The following ICE1 variants were observed in gnomAD, a reference collection of about 807,000 sequenced individuals.
ICE1 encodes the protein interactor of little elongation complex ELL subunit 1.
In ICE1, 64 loss-of-function variants were observed where a neutral mutation model predicts 192.7. The ratio of observed to expected loss-of-function variants is 0.33; its 90% CI spans 0.27 to 0.41. ICE1 has a LOEUF of 0.41. Ranked by LOEUF, ICE1 falls within the 10% of genes least tolerant of loss-of-function variation. The pLI is 1.00. For missense variants in ICE1, 2,708 were observed against 2,696.0 expected (o/e 1.00, Z -0.10); for synonymous variants, 1,010 against 984.5 (o/e 1.03, Z -0.49).
rs371867984 is a variant in ICE1, at chr5:5,462,434, G to A, written c.3100G>A (p.Val1034Ile). 15 of 1,613,904 alleles carry A rather than the reference G, an allele frequency of 9.3e-6. No homozygotes were observed. The highest frequency in any genetic ancestry group is 8.9e-5 in the East Asian group (4 of 44,898). The change falls in exon 13 of 19, where the codon GTT (valine) becomes ATT (isoleucine). Residue 1034 changes from valine (V) to isoleucine (I), a missense_variant. By Grantham distance (29) the Val-to-Ile change is conservative. Coordinates refer to ENST00000296564, the MANE Select transcript of ICE1 (RefSeq NM_015325.3). ...GAGATCTGGTGGTGAGGCCCTGGCT[G>A]TTGCAAATGATTCTACCAGCACACC... ...TGRSGGEALA[V>I]ANDSTSTPQN...
Position 5,466,388 on chromosome 5 carries a change from A to C in ICE1, c.5947A>C (p.Ile1983Leu), listed in dbSNP as rs563683640. The change falls in exon 14 of 19, where the codon ATA (isoleucine) becomes CTA (leucine). Residue 1983 changes from isoleucine to leucine, a missense_variant. Ile to Leu is a conservative substitution (Grantham distance 5, BLOSUM62 2). Around this residue, in one of 2 missense-constraint regions of ICE1, gnomAD observed 342 missense variants for 419.3 expected, o/e 0.82. Transcript: ENST00000296564. ...TCTCTCAGAACTAAAAATTCAGAAG[A>C]TATCTATGGACCACAATTACATTCA... ...SILSELKIQK[I>L]SMDHNYIHAL... 6.2e-7 allele frequency: 1 copy of C among 1,613,186 alleles called. No homozygotes were observed. The highest frequency in any genetic ancestry group is 8.5e-7 in the Non-Finnish European group (1 of 1,179,600).
intron 18 of ICE1, among the ~76,000 whole-genome samples, chr5:5,487,323 G>A (rs1739662948): frequency 6.6e-6 from 1 of 152,180 alleles, no homozygotes; most frequent in African/African-American, 2.4e-5. Context: ...TGCATAGCAT[G>A]TAATTTTATC....
intron 1 of ICE1, 121 bp downstream of exon 1, chr5:5,423,120 C>T (rs777828409): frequency 7.1e-5 from 35 of 492,412 alleles, no homozygotes; most frequent in Middle Eastern, 5.8e-4. Flanking sequence ...CCTTCCCAAC[C>T]GTAGCTCTTG....
chr5:5,461,552 C>T lies in ICE1; in HGVS notation c.2218C>T (p.Arg740Trp), dbSNP rs766127577. The T allele has an allele frequency of 2.2e-5, 35 of 1,612,902 alleles. No individual in the cohort carries two copies. The highest frequency in any genetic ancestry group is 8.4e-5 in the Admixed American group (5 of 59,858). Residue 740 changes from arginine to tryptophan, a missense_variant, in exon 13 of 19, where the codon CGG becomes TGG. By Grantham distance (101) the Arg-to-Trp change is moderately radical. This residue lies in a region of ICE1 where 2,366 missense variants were observed against 2,276.6 expected (regional missense o/e 1.04). Coordinates refer to ENST00000296564, the MANE Select transcript of ICE1 (RefSeq NM_015325.3). ...KGLTKIHSLPRSVFMKATKDG... is the reference protein window; with the variant it reads ...KGLTKIHSLPWSVFMKATKDG... Reference sequence around the variant, plus strand: ...CTTGACCAAAATACATTCACTTCCTCGGTCAGTATTTATGAAAGCTACAAA... The same window carrying T: ...CTTGACCAAAATACATTCACTTCCTTGGTCAGTATTTATGAAAGCTACAAA...
intron 17 of ICE1, among the ~76,000 whole-genome samples, chr5:5,476,403 A>G (rs563384369): frequency 2.2e-4 from 34 of 152,278 alleles, no homozygotes; most frequent in African/African-American, 7.9e-4. Context: ...TTGGTTTCTA[A>G]AATAAGGATT....
chr5:5,461,065 C>T lies in ICE1; in HGVS notation c.1731C>T (p.Asp577=). ...TTAATGAAATCACTTCTGAACCAGACCGTATCACAGTTTCTGGCCATTTTC... is the reference window on the plus strand; with the variant it reads ...TTAATGAAATCACTTCTGAACCAGATCGTATCACAGTTTCTGGCCATTTTC... ...TRINEITSEP[D]RITVSGHFHR... The change falls in exon 13 of 19, where the codon GAC becomes GAT. Residue 577 remains aspartate (D), a synonymous_variant. Transcript: ENST00000296564. The T allele has an allele frequency of 1.9e-6, 3 of 1,614,034 alleles. No individual in the cohort carries two copies. The highest frequency in any genetic ancestry group is 2.5e-6 in the Non-Finnish European group (3 of 1,179,898).
At chr5:5,465,296 A>G (rs1186727972) in intron 13 of ICE1, 70 bp downstream of exon 13, 1 of 1,116,164 alleles carries the variant, frequency 9.0e-7, no homozygotes, top group African/African-American at 1.6e-5. Flanking sequence ...GTTTACTGTC[A>G]GCAAAATGTG....
chr5:5,429,962 CAAAGA>C (rs370884668), intron 1 of ICE1, among the ~76,000 whole-genome samples: 1 of 152,024 alleles, frequency 6.6e-6, no homozygotes, highest in African/African-American at 2.4e-5. Context: ...ACCCAGAAGG[CAAAGA>C]AAAGATGGTA....
intron 17 of ICE1, among the ~76,000 whole-genome samples, chr5:5,481,196 G>A (rs1488575294): frequency 2.6e-5 from 4 of 152,138 alleles, no homozygotes; most frequent in African/African-American, 9.7e-5. Context: ...TAGAAGAGAT[G>A]TTTTAAGGTG....
Position 5,473,050 on chromosome 5 carries a change from A to G in ICE1, c.6223-508A>G, listed in dbSNP as rs1332100291. 3.9e-5 allele frequency among the ~76,000 whole-genome samples: 6 copies of G among 152,210 alleles called. No homozygotes were observed. The South Asian group carries it at 1.0e-3, about 26-fold the overall frequency. On this transcript the variant is annotated intron_variant, in intron 15 of 18. Transcript: ENST00000296564. Reference sequence around the variant, plus strand: ...TTACTCAGCAGTAAAAAGAAGTTCAAACTACTCTTTCATGCAACACTATGG... The same window carrying G: ...TTACTCAGCAGTAAAAAGAAGTTCAGACTACTCTTTCATGCAACACTATGG...
chr5:5,454,288 A>G (rs924662465), intron 10 of ICE1, among the ~76,000 whole-genome samples: 8 of 152,168 alleles, frequency 5.3e-5, no homozygotes, highest in Middle Eastern at 3.2e-3. Flanking sequence ...GCAAGTACAC[A>G]TGGTCTTTTG....
rs376382057 is a variant in ICE1 at position 5,461,908 on chromosome 5, A to G, written c.2574A>G (p.Val858=). 6.2e-7 allele frequency: 1 copy of G among 1,613,776 alleles called. No individual in the cohort carries two copies. The highest frequency in any genetic ancestry group is 1.3e-5 in the African/African-American group (1 of 74,950). The change falls in exon 13 of 19, where the codon GTA becomes GTG. Residue 858 remains valine, a synonymous_variant. Transcript: ENST00000296564. ...KTTASVLPNQ[V]SVITKQTRPE... is the part of the protein sequence containing the mutation. The stretch of plus-strand genomic sequence containing the variant: ...CTGCATCGGTGTTGCCTAATCAAGT[A>G]TCAGTTATCACAAAACAGACAAGAC...
At chr5:5,454,850 C>CA (rs565365581) in intron 11 of ICE1, among the ~76,000 whole-genome samples, 1,686 of 150,148 alleles carry the variant, frequency 0.011, 35 homozygotes, top group African/African-American at 0.039. Flanking sequence ...AGAGAACCTT[C>CA]AAAAAAAAAC....
rs28405510 is a variant in ICE1 at position 5,441,068 on chromosome 5, G to A, written c.198-44G>A. ...TATAAGCACATATATTTAATACTTC[G>A]TTATAGATCCTTTTCTGTAATAATG... On this transcript the variant is annotated intron_variant, in intron 4 of 18. Coordinates refer to ENST00000296564, the MANE Select transcript of ICE1 (RefSeq NM_015325.3). The A allele has an allele frequency of 3.1e-4, 372 of 1,200,560 alleles. 1 individual carries two copies. In the African/African-American group the frequency reaches 4.9e-3, roughly 16 times the overall value. The allele number at this position is 1,200,560 out of a possible 1,614,324, so 74.4% of individuals were successfully genotyped here.
intron 12 of ICE1, 33 bp downstream of exon 12, chr5:5,457,774 G>A: frequency 1.3e-6 from 2 of 1,570,572 alleles, no homozygotes; most frequent in Non-Finnish European, 1.7e-6. Flanking sequence ...GAATTACCAA[G>A]TGGGTACATT....
Position 5,462,486 on chromosome 5 carries a change from T to C in ICE1, c.3152T>C (p.Leu1051Ser). ...TPQNANGLWK[L>S]KSTTPGGALP... ...CAAAATGCTAATGGACTTTGGAAAT[T>C]GAAATCTACAACTCCCGGTGGTGCT... The change falls in exon 13 of 19, where the codon TTG (leucine) becomes TCG (serine). Residue 1051 changes from leucine (L) to serine (S), a missense_variant. Physicochemically the swap from Leu to Ser is moderately radical, Grantham distance 145 (BLOSUM62 -2). Transcript: ENST00000296564. The C allele has an allele frequency of 6.2e-7, 1 of 1,614,046 alleles. No homozygotes were observed. The highest frequency in any genetic ancestry group is 8.5e-7 in the Non-Finnish European group (1 of 1,179,898).
rs371856858 is a variant in ICE1, at chr5:5,481,233, CTG to C, written c.6520+5157_6520+5158del. On this transcript the variant is annotated intron_variant, in intron 17 of 18. Transcript: ENST00000296564. ...AAATAAATATGTTATCCTAGATAAT[CTG>C]TGGAATTTTCAAAACAATATGGTAT... 2.7e-3 allele frequency among the ~76,000 whole-genome samples: 409 copies of C among 152,158 alleles called. 2 individuals are homozygous for C. The highest frequency in any genetic ancestry group is 9.3e-3 in the African/African-American group (385 of 41,510).
At chr5:5,426,925 A>G (rs1340768370) in intron 1 of ICE1, among the ~76,000 whole-genome samples, 1 of 152,246 alleles carries the variant, frequency 6.6e-6, no homozygotes, top group Non-Finnish European at 1.5e-5. Context: ...GATCATGCAG[A>G]GAATTTACAA....
intron 15 of ICE1, among the ~76,000 whole-genome samples, chr5:5,472,308 T>C (rs999052218): frequency 3.9e-5 from 6 of 152,184 alleles, no homozygotes; most frequent in African/African-American, 1.4e-4. Context: ...TACATTCTGT[T>C]AAACATGTCT....
Sources: gnomAD v4.1 joint callset for allele counts (sites outside exome capture counted in the v4.1 genomes callset) on GRCh38, gnomAD v4.1.1 for gene constraint, gnomAD v4.1.1 regional missense constraint, MANE v1.5 for transcripts, NCBI Gene and HGNC (gene_info 2026-07-23, HGNC 2026-07-21) for gene names.